EFL1: variants seen among roughly 807,000 people sequenced by gnomAD.
EFL1 encodes the protein elongation factor like GTPase 1.
A neutral mutation model predicts 126.7 loss-of-function variants in EFL1; 76 were observed. The observed-to-expected ratio is 0.60, with a 90% confidence interval of 0.50 to 0.73. EFL1 has a LOEUF of 0.73. Ranked by LOEUF, EFL1 falls within the 30% of genes least tolerant of loss-of-function variation. The pLI, the probability that EFL1 is intolerant of heterozygous loss-of-function variation, is 0.00. For missense variants in EFL1, 1,128 were observed against 1,343.2 expected (o/e 0.84, Z 2.50); for synonymous variants, 410 against 448.4 (o/e 0.91, Z 1.08).
intron 7 of EFL1, among the ~76,000 whole-genome samples, chr15:82,235,477 ATAAAGT>A (rs573767174): frequency 9.2e-5 from 14 of 152,288 alleles, no homozygotes; most frequent in African/African-American, 3.4e-4. Flanking sequence ...TTACTCAAGA[ATAAAGT>A]TAAAGTTAAA....
chr15:82,229,428 C>G (rs185915718), intron 8 of EFL1, among the ~76,000 whole-genome samples: 23 of 152,094 alleles, frequency 1.5e-4, no homozygotes, highest in African/African-American at 5.6e-4. Flanking sequence ...TCTGCACATG[C>G]GGGCTCTTTC....
intron 18 of EFL1, among the ~76,000 whole-genome samples, chr15:82,142,043 T>A (rs1490512490): frequency 6.6e-6 from 1 of 152,220 alleles, no homozygotes; most frequent in Non-Finnish European, 1.5e-5. Context: ...GTTCAATGCT[T>A]GGATGCATTC....
chr15:82,184,751 GGAA>G (rs1474859265), intron 15 of EFL1, among the ~76,000 whole-genome samples: 3 of 152,210 alleles, frequency 2.0e-5, no homozygotes, highest in Non-Finnish European at 4.4e-5. Context: ...TAAACTGTAA[GGAA>G]GAAGATGAAA....
intron 15 of EFL1, among the ~76,000 whole-genome samples, chr15:82,196,144 T>C (rs1340115788): frequency 6.6e-6 from 1 of 152,114 alleles, no homozygotes; most frequent in African/African-American, 2.4e-5. Context: ...AAGCAGACAG[T>C]GAAGGGTCTC....
chr15:82,181,003 C>T (rs1460608677), intron 15 of EFL1, among the ~76,000 whole-genome samples: 1 of 152,142 alleles, frequency 6.6e-6, no homozygotes, highest in Non-Finnish European at 1.5e-5. Flanking sequence ...GCTGGGATTA[C>T]AGGTGTGAGC....
chr15:82,205,942 G>A (rs922490274), intron 15 of EFL1, among the ~76,000 whole-genome samples: 19 of 152,162 alleles, frequency 1.2e-4, no homozygotes, highest in Non-Finnish European at 5.9e-5. Context: ...TGTAAAATAA[G>A]CATTTTATCA....
At chr15:82,200,535 A>G (rs2074456563) in intron 15 of EFL1, among the ~76,000 whole-genome samples, 2 of 152,128 alleles carry the variant, frequency 1.3e-5, no homozygotes, top group South Asian at 4.1e-4. Context: ...AAAAGAACAG[A>G]AAGATACTCA....
chr15:82,135,142 G>A (rs1296543868), intron 19 of EFL1, among the ~76,000 whole-genome samples: 2 of 152,162 alleles, frequency 1.3e-5, no homozygotes, highest in South Asian at 2.1e-4. Flanking sequence ...CAAGGACATG[G>A]CAGAAGGATG....
At chr15:82,232,511 T>C (rs139382157) in intron 7 of EFL1, among the ~76,000 whole-genome samples, 2,741 of 152,318 alleles carry the variant, frequency 0.018, 29 homozygotes, top group Non-Finnish European at 0.026. Context: ...GTTCTACTTA[T>C]AGTTCTATTT....
Position 82,238,628 on chromosome 15 carries a change from G to A in EFL1, c.517-107C>T, listed in dbSNP as rs138879943. On this transcript the variant is annotated intron_variant, in intron 6 of 19. Transcript: ENST00000268206. ...TAGGGCTAGAATCATTAGTCAGTTT[G>A]GGCTCATTAAGCATACATGAATGGA... 6.4e-4 allele frequency: 638 copies of A among 997,870 alleles called. 1 individual carries two copies. In the African/African-American group the frequency reaches 9.2e-3, roughly 14 times the overall value. The allele number at this position is 997,870 out of a possible 1,614,324, so 61.8% of individuals were successfully genotyped here. A position where few individuals can be genotyped will look rare whatever the true frequency, so the allele number is the denominator to read the frequency against.
chr15:82,185,000 A>G (rs573306330), intron 15 of EFL1, among the ~76,000 whole-genome samples: 28 of 152,350 alleles, frequency 1.8e-4, no homozygotes, highest in African/African-American at 6.7e-4. Flanking sequence ...ACATGAAGCA[A>G]ATGTTTTAGT....
At chr15:82,190,549 G>C (rs1326043491) in intron 15 of EFL1, among the ~76,000 whole-genome samples, 1 of 152,200 alleles carries the variant, frequency 6.6e-6, no homozygotes, top group African/African-American at 2.4e-5. Flanking sequence ...GTGCCAGATA[G>C]TGTGTAAGTG....
intron 9 of EFL1, 25 bp from the exon 10 acceptor site, chr15:82,228,352 G>C: frequency 6.2e-7 from 1 of 1,608,952 alleles, no homozygotes; most frequent in Non-Finnish European, 8.5e-7. Context: ...AGATTGGAGA[G>C]GGGAAATGTC....
Position 82,219,636 on chromosome 15 carries a change from T to C in EFL1, c.1611+16A>G, listed in dbSNP as rs2141302320. On this transcript the variant is annotated intron_variant, in intron 14 of 19. Coordinates refer to ENST00000268206, the MANE Select transcript of EFL1 (RefSeq NM_024580.6). The stretch of plus-strand genomic sequence containing the variant: ...CTCGAGAAACAATATATAAATATTT[T>C]ACTTTCAATTCTTACCCTTCGTAAA... 6.3e-7 allele frequency: 1 copy of C among 1,593,096 alleles called. No homozygotes were observed. Among genetic ancestry groups the C allele is most frequent in the Middle Eastern group, 1.7e-4 (1 of 5,892 alleles).
chr15:82,132,387 CT>C (rs1595931520), intron 19 of EFL1, among the ~76,000 whole-genome samples: 1 of 152,206 alleles, frequency 6.6e-6, no homozygotes, highest in East Asian at 1.9e-4. Context: ...ACGTCTTTAT[CT>C]AGTTAAATAA....
chr15:82,255,956 GT>G (rs2075062980), intron 3 of EFL1, among the ~76,000 whole-genome samples: 1 of 152,122 alleles, frequency 6.6e-6, no homozygotes, highest in Non-Finnish European at 1.5e-5. Flanking sequence ...AGCATATCAA[GT>G]TGAAATTTTT....
intron 15 of EFL1, among the ~76,000 whole-genome samples, chr15:82,179,470 G>T (rs907897919): frequency 1.4e-4 from 22 of 152,158 alleles, no homozygotes; most frequent in African/African-American, 5.3e-4. Flanking sequence ...TTACTAATGA[G>T]GAATCTGAGG....
At chr15:82,138,890 G>C in intron 18 of EFL1, 48 bp from the exon 19 acceptor site, 1 of 1,558,118 alleles carries the variant, frequency 6.4e-7, no homozygotes, top group East Asian at 2.3e-5. Context: ...CATATGGCTT[G>C]AGCCACACCA....
intron 15 of EFL1, among the ~76,000 whole-genome samples, chr15:82,192,708 C>G (rs894008545): frequency 2.6e-5 from 4 of 152,126 alleles, no homozygotes; most frequent in Non-Finnish European, 4.4e-5. Flanking sequence ...AAAAGAGAAT[C>G]TGAGAAATTG....
Sources: allele counts gnomAD v4.1 joint callset (sites outside exome capture counted in the v4.1 genomes callset), GRCh38; gene constraint gnomAD v4.1.1; transcripts MANE v1.5; gene names NCBI Gene and HGNC (gene_info 2026-07-23, HGNC 2026-07-21).